SMC5: variants seen among roughly 807,000 people sequenced by gnomAD.
SMC5 encodes structural maintenance of chromosomes protein 5.
A neutral mutation model predicts 148.3 loss-of-function variants in SMC5; 88 were observed. The ratio of observed to expected loss-of-function variants is 0.59; its 90% CI spans 0.50 to 0.71. The LOEUF (loss-of-function observed/expected upper bound fraction) is 0.71, where lower values mean the gene tolerates loss of function less well. Ranked by LOEUF, SMC5 falls within the 30% of genes least tolerant of loss-of-function variation. SMC5 has a pLI of 0.00. For missense variants in SMC5, 1,142 were observed against 1,298.9 expected (o/e 0.88, Z 1.86); for synonymous variants, 421 against 432.8 (o/e 0.97, Z 0.34).
intron 8 of SMC5, among the ~76,000 whole-genome samples, chr9:70,288,044 A>G (rs1288819666): frequency 6.6e-6 from 1 of 151,808 alleles, no homozygotes; most frequent in East Asian, 1.9e-4. Flanking sequence ...CTCCATTCCT[A>G]TTATTTTATT....
intron 3 of SMC5, among the ~76,000 whole-genome samples, chr9:70,273,475 T>C (rs1220483092): frequency 1.3e-5 from 2 of 152,064 alleles, no homozygotes; most frequent in African/African-American, 4.8e-5. Context: ...TTTGCATTTG[T>C]CGTATATCAT....
chr9:70,345,550 A>T (rs1464813439), intron 18 of SMC5, among the ~76,000 whole-genome samples: 2 of 152,078 alleles, frequency 1.3e-5, no homozygotes, highest in Non-Finnish European at 2.9e-5. Context: ...AGGCAAAAGT[A>T]TTCCAGACAG....
chr9:70,289,369 C>G (rs2034997027), intron 8 of SMC5, among the ~76,000 whole-genome samples: 1 of 152,032 alleles, frequency 6.6e-6, no homozygotes, highest in African/African-American at 2.4e-5. Flanking sequence ...GTCAGTATCT[C>G]CTTCTATGAG....
chr9:70,303,401 T>C (rs1233656756), intron 10 of SMC5, among the ~76,000 whole-genome samples: 1 of 152,186 alleles, frequency 6.6e-6, no homozygotes, highest in African/African-American at 2.4e-5. Context: ...TACGTTTTCT[T>C]TTATTTGTAT....
At chr9:70,340,330 C>G (rs1421570774) in intron 17 of SMC5, among the ~76,000 whole-genome samples, 2 of 151,504 alleles carry the variant, frequency 1.3e-5, no homozygotes, top group Non-Finnish European at 2.9e-5. Flanking sequence ...AAACATTTTA[C>G]AAAGAAATAG....
intron 10 of SMC5, among the ~76,000 whole-genome samples, chr9:70,303,377 C>T (rs1191189489): frequency 1.3e-5 from 2 of 152,166 alleles, no homozygotes; most frequent in East Asian, 1.9e-4. Context: ...TATAAGTTAT[C>T]GTAAACATCC....
At chr9:70,334,951 A>T (rs1196424993) in intron 17 of SMC5, among the ~76,000 whole-genome samples, 1 of 152,216 alleles carries the variant, frequency 6.6e-6, no homozygotes, top group South Asian at 2.1e-4. Flanking sequence ...TATTAAAGGC[A>T]TGAGTTAAAC....
intron 5 of SMC5, among the ~76,000 whole-genome samples, chr9:70,280,188 C>G (rs758443320): frequency 6.6e-5 from 10 of 152,182 alleles, no homozygotes; most frequent in Non-Finnish European, 1.2e-4. Context: ...TTGAAACACT[C>G]ACCTACACTC....
chr9:70,320,630 A>T (rs903304892), intron 15 of SMC5, among the ~76,000 whole-genome samples: 1 of 152,246 alleles, frequency 6.6e-6, no homozygotes, highest in Non-Finnish European at 1.5e-5. Context: ...ATCATTTTAT[A>T]TAAGGGACTT....
At chr9:70,270,282 A>T (rs1457127684) in intron 3 of SMC5, among the ~76,000 whole-genome samples, 1 of 152,228 alleles carries the variant, frequency 6.6e-6, no homozygotes, top group Non-Finnish European at 1.5e-5. Flanking sequence ...AGCAAAATAC[A>T]GGGCGAGGTC....
chr9:70,336,939 A>T (rs1228123134), intron 17 of SMC5, among the ~76,000 whole-genome samples: 1 of 152,210 alleles, frequency 6.6e-6, no homozygotes, highest in Non-Finnish European at 1.5e-5. Context: ...CCTCACAATC[A>T]TGGCGGAAGA....
chr9:70,325,550 C>T (rs2036055785), intron 17 of SMC5, among the ~76,000 whole-genome samples: 1 of 152,202 alleles, frequency 6.6e-6, no homozygotes, highest in Non-Finnish European at 1.5e-5. Context: ...CTGGGGTGAT[C>T]TAGCCCTGTG....
intron 15 of SMC5, among the ~76,000 whole-genome samples, chr9:70,319,691 T>C (rs1344981069): frequency 6.6e-6 from 1 of 152,248 alleles, no homozygotes; most frequent in Non-Finnish European, 1.5e-5. Context: ...AGTGAACTTG[T>C]GTACTCTGTT....
chr9:70,323,388 C>A (rs2118646517), intron 15 of SMC5, 95 bp from the exon 16 acceptor site: 1 of 1,253,138 alleles, frequency 8.0e-7, no homozygotes, highest in African/African-American at 1.5e-5. Flanking sequence ...AAAAGTATTG[C>A]TAAATATATC....
intron 3 of SMC5, among the ~76,000 whole-genome samples, chr9:70,269,063 T>C (rs1446493786): frequency 2.0e-5 from 3 of 152,210 alleles, no homozygotes; most frequent in African/African-American, 7.2e-5. Context: ...GATTATCTGA[T>C]AGCCCTACTA....
intron 22 of SMC5, among the ~76,000 whole-genome samples, chr9:70,349,006 A>G (rs2036738381): frequency 6.6e-6 from 1 of 152,236 alleles, no homozygotes; most frequent in Non-Finnish European, 1.5e-5. Flanking sequence ...CTTGCTCAGT[A>G]CTATCTTAGA....
At chr9:70,299,395 G>A (rs888492850) in intron 9 of SMC5, among the ~76,000 whole-genome samples, 7 of 150,840 alleles carry the variant, frequency 4.6e-5, no homozygotes, top group African/African-American at 1.5e-4. Context: ...CTGTCTTATC[G>A]GGCATTCTCC....
intron 17 of SMC5, among the ~76,000 whole-genome samples, chr9:70,336,090 G>A (rs1753251307): frequency 6.6e-6 from 1 of 152,094 alleles, no homozygotes; most frequent in African/African-American, 2.4e-5. Flanking sequence ...CTCTCCGGCA[G>A]GGTTATGTAC....
chr9:70,320,130 C>T (rs929950932), intron 15 of SMC5, among the ~76,000 whole-genome samples: 13 of 152,130 alleles, frequency 8.5e-5, no homozygotes, highest in African/African-American at 2.9e-4. Context: ...AGTATAACTC[C>T]AAACTTAGTC....
Sources: allele counts gnomAD v4.1 joint callset (sites outside exome capture counted in the v4.1 genomes callset), GRCh38; gene constraint gnomAD v4.1.1; transcripts MANE v1.5; gene names NCBI Gene and HGNC (gene_info 2026-07-23, HGNC 2026-07-21).